TDP1: variants seen among roughly 807,000 people sequenced by gnomAD.
The protein encoded by TDP1 is tyr-DNA phosphodiesterase 1.
TDP1 carries 64 observed loss-of-function variants against 81.5 expected under a neutral mutation model. The ratio of observed to expected loss-of-function variants is 0.79; its 90% confidence interval spans 0.64 to 0.97. The LOEUF is 0.97. Among genes scored for constraint, TDP1 ranks in the 50% least tolerant of loss-of-function variants. TDP1 has a pLI of 0.00. For missense variants in TDP1, 723 were observed against 743.8 expected, an observed-to-expected ratio of 0.97 and a Z score of 0.33; for synonymous variants, 256 against 264.3, an observed-to-expected ratio of 0.97 and a Z score of 0.30.
At chr14:90,019,478 TC>T in intron 15 of TDP1, 60 bp downstream of exon 15, 1 of 937,506 alleles carries the variant, frequency 1.1e-6, no homozygotes, top group South Asian at 1.3e-5. Context: ...GGCTTTGTGT[TC>T]TCTTCCTTTA....
intron 10 of TDP1, chr14:89,988,555 A>G: frequency 1.0e-6 from 1 of 973,184 alleles, no homozygotes; most frequent in Non-Finnish European, 1.2e-6. Context: ...TGCATTAAAC[A>G]CTTGTGATTT....
At chr14:89,966,925 G>C (rs1461226027) in intron 4 of TDP1, 3 of 943,272 alleles carry the variant, frequency 3.2e-6, no homozygotes, top group African/African-American at 3.5e-5. Flanking sequence ...TGTGTACAAA[G>C]CTAGCTAATA....
In TDP1 at chr14:89,965,461, G is replaced by C. The variant is rs543779516; in HGVS notation, c.560-686G>C. ...GATATGAGGAGTAAGTAATGGATGG[G>C]AAGTGCCAAGAGTGCTGCCTGGCAT... On this transcript the variant is annotated intron_variant, in intron 3 of 16. Coordinates refer to ENST00000335725, the MANE Select transcript of TDP1 (RefSeq NM_018319.4). Among the ~76,000 whole-genome samples the C allele has an allele frequency of 7.9e-5, 12 of 152,330 alleles. No individual in the cohort carries two copies. In the South Asian group the frequency reaches 2.5e-3, roughly 32 times the overall value.
chr14:89,991,818 TC>T, intron 12 of TDP1, 98 bp from the exon 13 acceptor site: 1 of 1,308,630 alleles, frequency 7.6e-7, no homozygotes, highest in Non-Finnish European at 1.0e-6. Flanking sequence ...GTAGTTTTTT[TC>T]CTGTTACCTT....
intron 14 of TDP1, among the ~76,000 whole-genome samples, chr14:90,006,097 T>A (rs1477201930): frequency 2.0e-5 from 3 of 152,136 alleles, no homozygotes; most frequent in Non-Finnish European, 4.4e-5. Context: ...AGGGTCATGA[T>A]AGGCCTGTGA....
At chr14:89,983,003 A>C (rs969147329) in intron 8 of TDP1, 1 of 410,222 alleles carries the variant, frequency 2.4e-6, no homozygotes, top group African/African-American at 2.1e-5. Context: ...TAAAGAATAA[A>C]ATAAAATTAT....
chr14:90,031,988 T>C (rs1230121236), intron 15 of TDP1, among the ~76,000 whole-genome samples: 1 of 152,174 alleles, frequency 6.6e-6, no homozygotes, highest in Non-Finnish European at 1.5e-5. Flanking sequence ...TAGATGTATT[T>C]TATGTCCCTC....
intron 10 of TDP1, chr14:89,988,416 C>T (rs1255992040): frequency 1.1e-5 from 2 of 190,388 alleles, no homozygotes; most frequent in Admixed American, 6.5e-5. Flanking sequence ...CTGAAGTTGC[C>T]TAGGGTCTGC....
intron 2 of TDP1, among the ~76,000 whole-genome samples, chr14:89,961,911 G>A (rs75021372): frequency 0.031 from 4,680 of 152,248 alleles, 110 homozygotes; most frequent in African/African-American, 0.067. Context: ...ACAGACTACT[G>A]AGTTTTGTAA....
At chr14:90,020,892 T>C (rs927068186) in intron 15 of TDP1, among the ~76,000 whole-genome samples, 3 of 148,092 alleles carry the variant, frequency 2.0e-5, no homozygotes, top group African/African-American at 7.6e-5. Context: ...ACCTCCAGGG[T>C]TCAAGTGATT....
At position 90,043,274 on chromosome 14, in the gene TDP1, CTT is replaced by C. The variant is rs900510600; in HGVS notation, c.*132_*133del. 3 of 1,016,820 alleles carry C rather than the reference CTT, an allele frequency of 3.0e-6. No individual in the cohort carries two copies. Among genetic ancestry groups the C allele is most frequent in the African/African-American group, 1.6e-5 (1 of 63,020 alleles). 63.0% of individuals were successfully genotyped at this position (1,016,820 alleles called of 1,614,324 possible). ...TTACAAAATCTTTCCAAAGGTCACT[CTT>C]ATGAATGGATGTTGGTTATACTTTT... On this transcript the variant is annotated 3_prime_UTR_variant, in exon 17 of 17. Coordinates refer to ENST00000335725, the MANE Select transcript of TDP1 (RefSeq NM_018319.4).
intron 15 of TDP1, among the ~76,000 whole-genome samples, chr14:90,028,095 C>G (rs1886866964): frequency 6.6e-6 from 1 of 152,218 alleles, no homozygotes; most frequent in South Asian, 2.1e-4. Context: ...CCTTCAAAAT[C>G]CTGTTAGGTT....
At chr14:89,964,911 T>C (rs556459030) in intron 3 of TDP1, 14 of 429,882 alleles carry the variant, frequency 3.3e-5, no homozygotes, top group African/African-American at 2.1e-4. Flanking sequence ...ATCTGCACTT[T>C]AGAAAAGTGC....
At chr14:90,015,826 A>C (rs1885246093) in intron 14 of TDP1, among the ~76,000 whole-genome samples, 2 of 152,146 alleles carry the variant, frequency 1.3e-5, no homozygotes, top group African/African-American at 4.8e-5. Context: ...GGATTTCAAC[A>C]TATGAATTCT....
At position 89,991,595 on chromosome 14, in the gene TDP1, A is replaced by G. The variant is rs1489213312; in HGVS notation, c.1367-322A>G. ...TAGCGAGTTGTCATTAGTTTTCAGT[A>G]TGTTTGTGTTACATGAGCCTTATTT... On this transcript the variant is annotated intron_variant, in intron 12 of 16. Coordinates refer to ENST00000335725, the MANE Select transcript of TDP1 (RefSeq NM_018319.4). 3 of 984,916 alleles carry G rather than the reference A, an allele frequency of 3.0e-6. No homozygotes were observed. The African/African-American group carries it at 5.2e-5, about 17-fold the overall frequency. 61.0% of individuals were successfully genotyped at this position (984,916 alleles called of 1,614,324 possible). A position where few individuals can be genotyped will look rare whatever the true frequency, so the allele number is the denominator to read the frequency against.
chr14:90,024,383 T>C (rs1886420402), intron 15 of TDP1, among the ~76,000 whole-genome samples: 1 of 152,206 alleles, frequency 6.6e-6, no homozygotes, highest in African/African-American at 2.4e-5. Context: ...TTCTAGAACC[T>C]GGGGCTCAGC....
intron 14 of TDP1, among the ~76,000 whole-genome samples, chr14:90,005,339 T>C (rs1351736432): frequency 6.6e-6 from 1 of 152,176 alleles, no homozygotes; most frequent in African/African-American, 2.4e-5. Flanking sequence ...TGCAAGTAAT[T>C]CACCCAGAGA....
chr14:90,012,757 G>A (rs1884861330), intron 14 of TDP1, among the ~76,000 whole-genome samples: 1 of 152,056 alleles, frequency 6.6e-6, no homozygotes, highest in Non-Finnish European at 1.5e-5. Flanking sequence ...ACCCCAAAAT[G>A]GTAGATCCAC....
intron 14 of TDP1, among the ~76,000 whole-genome samples, chr14:90,004,769 G>C (rs1453679807): frequency 1.3e-5 from 2 of 152,206 alleles, no homozygotes; most frequent in African/African-American, 4.8e-5. Flanking sequence ...GAGTCAGCAG[G>C]ATGGTGACAG....
Sources: gnomAD v4.1 joint callset for allele counts (sites outside exome capture counted in the v4.1 genomes callset) on GRCh38, gnomAD v4.1.1 for gene constraint, MANE v1.5 for transcripts, NCBI Gene and HGNC (gene_info 2026-07-23, HGNC 2026-07-21) for gene names.